ACTR3C: variants seen among roughly 807,000 people sequenced by gnomAD.
ACTR3C encodes actin-related protein 3C.
ACTR3C carries 18 observed loss-of-function variants against 26.3 expected under a neutral mutation model. The observed-to-expected ratio is 0.68, with a 90% confidence interval of 0.47 to 1.01. The LOEUF (loss-of-function observed/expected upper bound fraction) is 1.01, where lower values mean the gene tolerates loss of function less well. ACTR3C is among the 50% of genes least tolerant of loss of function. The probability of loss-of-function intolerance (pLI) is 0.00; values close to 1 mark genes in which losing one functional copy is unlikely to be tolerated. For synonymous variants in ACTR3C, 55 were observed against 94.5 expected, an observed-to-expected ratio of 0.58 and a Z score of 2.42; for missense variants, 184 against 250.7, an observed-to-expected ratio of 0.73 and a Z score of 1.80.
At chr7:149,937,081 C>A in the ACTR3C span, among the ~76,000 whole-genome samples, 37 of 152,202 alleles carry the variant, frequency 2.4e-4, no homozygotes, top group Non-Finnish European at 1.2e-4. Context: ...TGAGACACTG[C>A]GACTGGCCAT....
At chr7:150,210,398 C>A in the ACTR3C span, among the ~76,000 whole-genome samples, 1 of 150,670 alleles carries the variant, frequency 6.6e-6, no homozygotes, top group South Asian at 2.1e-4. Context: ...GAAGTGTAAG[C>A]ATATGTCCAT....
At chr7:150,040,080 G>A in the ACTR3C span, among the ~76,000 whole-genome samples, 1 of 142,084 alleles carries the variant, frequency 7.0e-6, no homozygotes, top group Non-Finnish European at 1.5e-5. Flanking sequence ...ACTGCGATGG[G>A]AGTCCCAAGA....
chr7:150,200,970 G>A, the ACTR3C span, among the ~76,000 whole-genome samples: 4 of 152,058 alleles, frequency 2.6e-5, no homozygotes, highest in South Asian at 8.3e-4. Context: ...CCTTTCCACA[G>A]TAAATGTACA....
chr7:149,946,925 C>T, the ACTR3C span, among the ~76,000 whole-genome samples: 2 of 151,498 alleles, frequency 1.3e-5, no homozygotes, highest in South Asian at 4.2e-4. Context: ...CATATTGTAA[C>T]AATGAGAAAA....
At chr7:150,146,561 G>A in the ACTR3C span, among the ~76,000 whole-genome samples, 2 of 151,240 alleles carry the variant, frequency 1.3e-5, no homozygotes, top group Admixed American at 6.6e-5. Flanking sequence ...TTCTTTTTTC[G>A]GCTGCTCTTC....
At chr7:150,017,737 T>A in the ACTR3C span, among the ~76,000 whole-genome samples, 5 of 149,850 alleles carry the variant, frequency 3.3e-5, no homozygotes, top group South Asian at 2.1e-4. Context: ...GCCATGCTTG[T>A]TCCTTTCACC....
intron 6 of ACTR3C, among the ~76,000 whole-genome samples, chr7:150,276,453 T>G (rs549117164): frequency 6.6e-6 from 1 of 152,302 alleles, no homozygotes; most frequent in East Asian, 1.9e-4. Context: ...AAGTTTTACT[T>G]CCTTAGGAAC....
At chr7:150,077,747 G>A in the ACTR3C span, among the ~76,000 whole-genome samples, 3 of 152,156 alleles carry the variant, frequency 2.0e-5, no homozygotes, top group Admixed American at 6.5e-5. Flanking sequence ...TTGGCAGTTC[G>A]GTTCTCCCTG....
chr7:149,951,698 C>T, the ACTR3C span, among the ~76,000 whole-genome samples: 2 of 151,842 alleles, frequency 1.3e-5, no homozygotes, highest in African/African-American at 2.4e-5. Flanking sequence ...TTTAAATAGG[C>T]CCACCCAGAT....
chr7:150,096,461 A>G, the ACTR3C span, among the ~76,000 whole-genome samples: 1 of 151,580 alleles, frequency 6.6e-6, no homozygotes, highest in Admixed American at 6.6e-5. Context: ...AAACAATTTC[A>G]AAAATTATAC....
the ACTR3C span, among the ~76,000 whole-genome samples, chr7:150,231,258 C>T: frequency 6.6e-6 from 1 of 152,082 alleles, no homozygotes; most frequent in Admixed American, 6.6e-5. Context: ...GCCTCAAAAT[C>T]TCATGTTCAA....
the ACTR3C span, among the ~76,000 whole-genome samples, chr7:149,906,918 C>T: frequency 2.3e-4 from 4 of 17,594 alleles, no homozygotes; most frequent in Admixed American, 1.2e-3. Context: ...CCTGAAGCTG[C>T]GGCAGGACCA....
intron 6 of ACTR3C, among the ~76,000 whole-genome samples, chr7:150,254,932 T>A (rs1833101232): frequency 6.6e-6 from 1 of 152,152 alleles, no homozygotes; most frequent in Non-Finnish European, 1.5e-5. Context: ...GGCATCAAGT[T>A]TGAAAGTGGC....
At chr7:150,212,811 A>G in the ACTR3C span, among the ~76,000 whole-genome samples, 557 of 152,092 alleles carry the variant, frequency 3.7e-3, 3 homozygotes, top group Non-Finnish European at 3.9e-3. Flanking sequence ...ATGAACCACA[A>G]AACAGCCTCG....
At chr7:150,043,316 G>A in the ACTR3C span, among the ~76,000 whole-genome samples, 9 of 151,086 alleles carry the variant, frequency 6.0e-5, no homozygotes, top group Non-Finnish European at 1.0e-4. Context: ...CTCAGTCCCC[G>A]CCTTGCGGGG....
chr7:150,024,602 C>T, the ACTR3C span, among the ~76,000 whole-genome samples: 11 of 149,938 alleles, frequency 7.3e-5, no homozygotes, highest in East Asian at 7.8e-4. Context: ...CCCAAACAAA[C>T]GGGCACAGGT....
the ACTR3C span, among the ~76,000 whole-genome samples, chr7:149,946,641 G>T: frequency 6.6e-6 from 1 of 152,122 alleles, no homozygotes; most frequent in Non-Finnish European, 1.5e-5. Context: ...AATGAGAGAG[G>T]GAGCTCTCAA....
At chr7:149,931,152 C>T in the ACTR3C span, among the ~76,000 whole-genome samples, 1 of 152,256 alleles carries the variant, frequency 6.6e-6, no homozygotes, top group Non-Finnish European at 1.5e-5. Context: ...AGGCATGAGC[C>T]ACTGAGCCCG....
intron 7 of ACTR3C, 170 bp from the exon 8 acceptor site, chr7:150,247,739 G>A (rs1244320593): frequency 6.8e-6 from 1 of 146,684 alleles, no homozygotes; most frequent in Non-Finnish European, 1.5e-5. Context: ...TCATGGGAGT[G>A]CATTCCTCAT....
Sources: gnomAD v4.1 joint callset for allele counts (sites outside exome capture counted in the v4.1 genomes callset) on GRCh38, gnomAD v4.1.1 for gene constraint, MANE v1.5 for transcripts, NCBI Gene and HGNC (gene_info 2026-07-23, HGNC 2026-07-21) for gene names.